Variants in ZBED2 observed in about 807,000 individuals in gnomAD.
The protein encoded by ZBED2 is zinc finger BED-type containing 2.
For synonymous variants in ZBED2, 97 were observed against 98.8 expected, an observed-to-expected ratio of 0.98 and a Z score of 0.11; for missense variants, 285 against 281.0, an observed-to-expected ratio of 1.01 and a Z score of -0.10.
rs1937124873 is a variant in ZBED2, at chr3:111,593,947, C to T, written c.255G>A (p.Val85=). ...YATCRLCGRQ[V]SRGPGVNVGT... is the part of the protein sequence containing the mutation. ...CCACGTTGACCCCAGGGCCACGGCT[C>T]ACCTGCCTGCCACACAGGCGGCAGG... The change falls in exon 2 of 2, where the codon GTG becomes GTA. Residue 85 remains valine (V), a synonymous_variant. Transcript: ENST00000317012. 1.2e-6 allele frequency: 2 copies of T among 1,613,910 alleles called. No homozygotes were observed. The highest frequency in any genetic ancestry group is 1.7e-5 in the Admixed American group (1 of 60,008).
In ZBED2 at chr3:111,593,714, C is replaced by G. The variant is rs767235258; in HGVS notation, c.488G>C (p.Arg163Thr). 1 of 1,614,190 alleles carries G rather than the reference C, an allele frequency of 6.2e-7. No homozygotes were observed. The highest frequency in any genetic ancestry group is 1.7e-5 in the Admixed American group (1 of 60,020). ...CTCCCGCCATTCCACTGCCCTTTCC[C>G]TCCTAAGCACCTCCTTTTCCCTTTG... is the stretch of plus-strand genomic sequence containing the variant. Reference protein sequence around the residue: ...ASQREKEVLRRERAVEWRERA... With the variant: ...ASQREKEVLRTERAVEWRERA... Residue 163 changes from arginine (R) to threonine (T), a missense_variant, in exon 2 of 2, where the codon AGG (arginine) becomes ACG (threonine). Arg to Thr is a moderately conservative substitution (Grantham distance 71). Coordinates refer to ENST00000317012, the MANE Select transcript of ZBED2 (RefSeq NM_024508.5).
rs769629438 is a variant in ZBED2, at chr3:111,593,208, C to G, written c.*337G>C. On this transcript the variant is annotated 3_prime_UTR_variant, in exon 2 of 2. Transcript: ENST00000317012. ...TCAAAATCGTCAGCTCCACCAAAAC[C>G]GAGTGCTAGGCAAAAATCTGATTAT... 5.2e-6 allele frequency: 1 copy of G among 191,164 alleles called. No homozygotes were observed. Among genetic ancestry groups the G allele is most frequent in the South Asian group, 1.7e-4 (1 of 5,976 alleles). 11.8% of individuals were successfully genotyped at this position (191,164 alleles called of 1,614,324 possible).
In ZBED2 at chr3:111,593,406, T is replaced by C; in HGVS notation, c.*139A>G. ...TTTGGTCAATTCAGACCTGCTCAGA[T>C]TAACTCATACTGTGCACTATTTCAC... On this transcript the variant is annotated 3_prime_UTR_variant, in exon 2 of 2. Transcript: ENST00000317012. 5.6e-6 allele frequency: 6 copies of C among 1,069,106 alleles called. No homozygotes were observed. Among genetic ancestry groups the C allele is most frequent in the Non-Finnish European group, 7.7e-6 (6 of 780,174 alleles). 66.2% of individuals were successfully genotyped at this position (1,069,106 alleles called of 1,614,324 possible).
Position 111,593,977 on chromosome 3 carries a change from A to G in ZBED2, c.225T>C (p.Tyr75=). The part of the protein sequence containing the change: ...PARAGHHPNQ[Y]ATCRLCGRQV... ...GCCTGCCACACAGGCGGCAGGTGGC[A>G]TACTGGTTGGGATGGTGCCCAGCAC... Residue 75 remains tyrosine, a synonymous_variant, in exon 2 of 2, where the codon TAT becomes TAC. Transcript: ENST00000317012. 1 of 1,614,112 alleles carries G rather than the reference A, an allele frequency of 6.2e-7. No homozygotes were observed. The highest frequency in any genetic ancestry group is 8.5e-7 in the Non-Finnish European group (1 of 1,180,020).
rs766274839 is a variant in ZBED2, at chr3:111,593,546, TA to T, written c.655del (p.Ter219LysfsTer9). The T allele has an allele frequency of 6.6e-7, 1 of 1,513,142 alleles. No individual in the cohort carries two copies. Among genetic ancestry groups the T allele is most frequent in the African/African-American group, 1.4e-5 (1 of 71,744 alleles). 93.7% of individuals were successfully genotyped at this position (1,513,142 alleles called of 1,614,324 possible). On this transcript the variant is annotated frameshift_variant and stop_lost, in exon 2 of 2. Transcript: ENST00000317012. LOFTEE classifies it high-confidence loss of function. Reference protein sequence around the residue: ...PAAVHPFHFV* With the variant: ...PAAVHPFHFVX ...CAGAATAGATTCTCCAAGCCCAATT[TA>T]AACAAAATGGAAGGGATGTACTGCT...
Position 111,594,252 on chromosome 3 carries a change from G to T in ZBED2, c.-51C>A, listed in dbSNP as rs1411913313. ...TGATGTGCTTAGATGTGAGCCAAAA[G>T]CTTATTTGAACCACAAGATTAAATA... On this transcript the variant is annotated 5_prime_UTR_variant, in exon 2 of 2. Coordinates refer to ENST00000317012, the MANE Select transcript of ZBED2 (RefSeq NM_024508.5). 1.8e-5 allele frequency: 28 copies of T among 1,513,818 alleles called. No individual in the cohort carries two copies. Among genetic ancestry groups the T allele is most frequent in the African/African-American group, 2.8e-5 (2 of 71,588 alleles). 93.8% of individuals were successfully genotyped at this position (1,513,818 alleles called of 1,614,324 possible).
rs773878278 is a variant in ZBED2, at chr3:111,593,982, G to T, written c.220C>A (p.Gln74Lys). ...APARAGHHPN[Q>K]YATCRLCGRQ... ...CCACACAGGCGGCAGGTGGCATACT[G>T]GTTGGGATGGTGCCCAGCACGAGCA... Residue 74 changes from glutamine (Q) to lysine (K), a missense_variant, in exon 2 of 2, where the codon CAG (glutamine) becomes AAG (lysine). Coordinates refer to ENST00000317012, the MANE Select transcript of ZBED2 (RefSeq NM_024508.5). 1.2e-6 allele frequency: 2 copies of T among 1,614,166 alleles called. No homozygotes were observed. Among genetic ancestry groups the T allele is most frequent in the Non-Finnish European group, 1.7e-6 (2 of 1,180,034 alleles).
In ZBED2 at chr3:111,594,609, C is replaced by G. The variant is rs930719611; in HGVS notation, c.-408G>C. On this transcript the variant is annotated 5_prime_UTR_variant, in exon 2 of 2. Coordinates refer to ENST00000317012, the MANE Select transcript of ZBED2 (RefSeq NM_024508.5). ...TTGAATATTGAAAATTTTAGGTTTT[C>G]TTGTTTCTCCTCCTGGTTGTTTCCA... 6 of 178,464 alleles carry G rather than the reference C, an allele frequency of 3.4e-5. No individual in the cohort carries two copies. The highest frequency in any genetic ancestry group is 1.3e-4 in the Admixed American group (2 of 15,948). The allele number at this position is 178,464 out of a possible 1,614,324, so 11.1% of individuals were successfully genotyped here.
Position 111,593,788 on chromosome 3 carries a change from G to C in ZBED2, c.414C>G (p.Asn138Lys), listed in dbSNP as rs1937113454. 1.9e-6 allele frequency: 3 copies of C among 1,614,188 alleles called. No individual in the cohort carries two copies. The highest frequency in any genetic ancestry group is 1.6e-4 in the Middle Eastern group (1 of 6,062). Residue 138 changes from asparagine to lysine, a missense_variant, in exon 2 of 2, where the codon AAC becomes AAG. Asn to Lys is a moderately conservative substitution (Grantham distance 94). Transcript: ENST00000317012. ...GPQLPTGIEG[N>K]WGRLLEQVGT... Reference sequence around the variant, plus strand: ...CCACCTGCTCCAGGAGCCTACCCCAGTTACCCTCAATGCCTGTGGGGAGCT... The same window carrying C: ...CCACCTGCTCCAGGAGCCTACCCCACTTACCCTCAATGCCTGTGGGGAGCT...
chr3:111,593,634 C>G lies in ZBED2; in HGVS notation c.568G>C (p.Glu190Gln), dbSNP rs1937101097. Residue 190 changes from glutamate to glutamine, a missense_variant, in exon 2 of 2, where the codon GAG becomes CAG. Coordinates refer to ENST00000317012, the MANE Select transcript of ZBED2 (RefSeq NM_024508.5). The stretch of plus-strand genomic sequence containing the variant: ...TCAGCCCTCACCTTCCACTTCATCT[C>G]CAGGATGGCCCTTTCCACCTCCTCC... The part of the protein sequence containing the change: ...ALEEVERAIL[E>Q]MKWKVRAEKE... 6.3e-7 allele frequency: 1 copy of G among 1,599,392 alleles called. No homozygotes were observed. Among genetic ancestry groups the G allele is most frequent in the Non-Finnish European group, 8.5e-7 (1 of 1,170,818 alleles).
chr3:111,594,363 T>G lies in ZBED2; in HGVS notation c.-162A>C. The G allele has an allele frequency of 1.3e-6, 1 of 793,784 alleles. No homozygotes were observed. The highest frequency in any genetic ancestry group is 2.3e-5 in the South Asian group (1 of 42,932). 49.2% of individuals were successfully genotyped at this position (793,784 alleles called of 1,614,324 possible). The stretch of plus-strand genomic sequence containing the variant: ...CACACCTGGGTGGTGTGAGGTTTCT[T>G]CCTTTCTGCTTCACTGGAGAGTCAG... On this transcript the variant is annotated 5_prime_UTR_variant, in exon 2 of 2. Coordinates refer to ENST00000317012, the MANE Select transcript of ZBED2 (RefSeq NM_024508.5).
chr3:111,594,269 G>A lies in ZBED2; in HGVS notation c.-68C>T, dbSNP rs545600978. The A allele has an allele frequency of 3.3e-6, 5 of 1,498,666 alleles. No homozygotes were observed. The highest frequency in any genetic ancestry group is 4.6e-5 in the East Asian group (2 of 43,828). 92.8% of individuals were successfully genotyped at this position (1,498,666 alleles called of 1,614,324 possible). The stretch of plus-strand genomic sequence containing the variant: ...AGCCAAAAGCTTATTTGAACCACAA[G>A]ATTAAATATATATTTGGGAAGGGCC... On this transcript the variant is annotated 5_prime_UTR_variant, in exon 2 of 2. Transcript: ENST00000317012.
Position 111,593,390 on chromosome 3 carries a change from T to A in ZBED2, c.*155A>T. 1 of 939,436 alleles carries A rather than the reference T, an allele frequency of 1.1e-6. No individual in the cohort carries two copies. The allele number at this position is 939,436 out of a possible 1,614,324, so 58.2% of individuals were successfully genotyped here. A position where few individuals can be genotyped will look rare whatever the true frequency, so the allele number is the denominator to read the frequency against. ...ACCTCGTAGATAAGCATTTGGTCAA[T>A]TCAGACCTGCTCAGATTAACTCATA... On this transcript the variant is annotated 3_prime_UTR_variant, in exon 2 of 2. Transcript: ENST00000317012.
chr3:111,593,696 C>T lies in ZBED2; in HGVS notation c.506G>A (p.Trp169Ter). The T allele has an allele frequency of 6.2e-7, 1 of 1,613,832 alleles. No individual in the cohort carries two copies. Among genetic ancestry groups the T allele is most frequent in the Non-Finnish European group, 8.5e-7 (1 of 1,179,802 alleles). ...CCTTTTTTCCACAGCCCTCTCCCGC[C>T]ATTCCACTGCCCTTTCCCTCCTAAG... Reference protein sequence around the residue: ...EVLRRERAVEWRERAVEKRER... With the variant: ...EVLRRERAVE Residue 169 changes from tryptophan to a stop codon, truncating the protein, a stop_gained, in exon 2 of 2, where the codon TGG becomes TAG. Transcript: ENST00000317012. LOFTEE classifies it low-confidence loss of function (END_TRUNC).
chr3:111,594,232 T>C lies in ZBED2; in HGVS notation c.-31A>G. 6.5e-7 allele frequency: 1 copy of C among 1,528,902 alleles called. No homozygotes were observed. Among genetic ancestry groups the C allele is most frequent in the South Asian group, 1.3e-5 (1 of 77,660 alleles). 94.7% of individuals were successfully genotyped at this position (1,528,902 alleles called of 1,614,324 possible). A position where few individuals can be genotyped will look rare whatever the true frequency, so the allele number is the denominator to read the frequency against. On this transcript the variant is annotated 5_prime_UTR_variant, in exon 2 of 2. Transcript: ENST00000317012. ...CTCTTCTACAGCGTTCTTTATGATG[T>C]GCTTAGATGTGAGCCAAAAGCTTAT...
chr3:111,593,554 A>G lies in ZBED2; in HGVS notation c.648T>C (p.His216=). Residue 216 remains histidine, a synonymous_variant, in exon 2 of 2, where the codon CAT becomes CAC. Transcript: ENST00000317012. ...ATTCTCCAAGCCCAATTTAAACAAAATGGAAGGGATGTACTGCTGCAGGCA... is the reference window on the plus strand; with the variant it reads ...ATTCTCCAAGCCCAATTTAAACAAAGTGGAAGGGATGTACTGCTGCAGGCA... The part of the protein sequence containing the change: ...KELPAAVHPF[H]FV 7 of 1,514,996 alleles carry G rather than the reference A, an allele frequency of 4.6e-6. No individual in the cohort carries two copies. The highest frequency in any genetic ancestry group is 6.2e-6 in the Non-Finnish European group (7 of 1,131,374). 93.8% of individuals were successfully genotyped at this position (1,514,996 alleles called of 1,614,324 possible). A position where few individuals can be genotyped will look rare whatever the true frequency, so the allele number is the denominator to read the frequency against.
rs1285480047 is a variant in ZBED2 at position 111,594,271 on chromosome 3, TTAAA to T, written c.-74_-71del. ...CCAAAAGCTTATTTGAACCACAAGA[TTAAA>T]TATATATTTGGGAAGGGCCTGTGGT... On this transcript the variant is annotated 5_prime_UTR_variant, in exon 2 of 2. Coordinates refer to ENST00000317012, the MANE Select transcript of ZBED2 (RefSeq NM_024508.5). 6.7e-7 allele frequency: 1 copy of T among 1,498,848 alleles called. No homozygotes were observed. Among genetic ancestry groups the T allele is most frequent in the Non-Finnish European group, 8.9e-7 (1 of 1,117,936 alleles). 92.8% of individuals were successfully genotyped at this position (1,498,848 alleles called of 1,614,324 possible).
rs1403464791 is a variant in ZBED2 at position 111,594,292 on chromosome 3, G to A, written c.-91C>T. 7 of 1,461,246 alleles carry A rather than the reference G, an allele frequency of 4.8e-6. No homozygotes were observed. Among genetic ancestry groups the A allele is most frequent in the Admixed American group, 4.6e-5 (2 of 43,946 alleles). 90.5% of individuals were successfully genotyped at this position (1,461,246 alleles called of 1,614,324 possible). A position where few individuals can be genotyped will look rare whatever the true frequency, so the allele number is the denominator to read the frequency against. ...AAGATTAAATATATATTTGGGAAGG[G>A]CCTGTGGTAACTCTTGGGGATTCAC... On this transcript the variant is annotated 5_prime_UTR_variant, in exon 2 of 2. Transcript: ENST00000317012.
rs775860464 is a variant in ZBED2, at chr3:111,593,779, C to A, written c.423G>T (p.Arg141Ser). Residue 141 changes from arginine to serine, a missense_variant, in exon 2 of 2, where the codon AGG becomes AGT. Physicochemically the swap from Arg to Ser is moderately radical, Grantham distance 110. Transcript: ENST00000317012. ...CCATGGTGCCCACCTGCTCCAGGAG[C>A]CTACCCCAGTTACCCTCAATGCCTG... ...LPTGIEGNWG[R>S]LLEQVGTMAL... 2.5e-6 allele frequency: 4 copies of A among 1,614,254 alleles called. No homozygotes were observed. In the East Asian group the frequency reaches 8.9e-5, roughly 36 times the overall value.
Sources: gnomAD v4.1 joint callset for allele counts on GRCh38, gnomAD v4.1.1 for gene constraint, MANE v1.5 for transcripts, NCBI Gene and HGNC (gene_info 2026-07-23, HGNC 2026-07-21) for gene names.